Variants in RFX2 observed in about 807,000 individuals in gnomAD.
RFX2 encodes DNA-binding protein RFX2.
In RFX2, 20 loss-of-function variants were observed where a neutral mutation model predicts 87.8. The ratio of observed to expected loss-of-function variants is 0.23; its 90% CI spans 0.16 to 0.33. The LOEUF (loss-of-function observed/expected upper bound fraction) is 0.33. Ranked by LOEUF, RFX2 falls within the 10% of genes least tolerant of loss-of-function variation. RFX2 has a pLI of 1.00. For synonymous variants in RFX2, 397 were observed against 431.3 expected (o/e 0.92, Z 0.98); for missense variants, 767 against 1,012.3 (o/e 0.76, Z 3.29).
At chr19:6,103,501 T>C (rs1347469200) in intron 1 of RFX2, among the ~76,000 whole-genome samples, 1 of 152,188 alleles carries the variant, frequency 6.6e-6, no homozygotes, top group Admixed American at 6.5e-5. Context: ...AAGTGGCTCA[T>C]TTCCAGACTC....
intron 1 of RFX2, chr19:6,073,507 G>T: frequency 7.9e-6 from 6 of 758,814 alleles, no homozygotes; most frequent in Non-Finnish European, 1.0e-5. Context: ...CCAATGCCAG[G>T]CTGCGCAGTG....
Position 6,026,120 on chromosome 19 carries a change from C to T in RFX2, c.597+43G>A. On this transcript the variant is annotated intron_variant, in intron 6 of 17. Coordinates refer to ENST00000303657, the MANE Select transcript of RFX2 (RefSeq NM_000635.4). This position sits in a 1 kb window ranked among gnomAD's most constrained non-coding sequence, Gnocchi z 4.5. ...GTCTTAAAAATGTCTATGCAGGTTA[C>T]AAGCAGAGCAGGGACAGGTTGCCAG... The T allele has an allele frequency of 1.3e-6, 2 of 1,527,278 alleles. No individual in the cohort carries two copies. Among genetic ancestry groups the T allele is most frequent in the Non-Finnish European group, 1.8e-6 (2 of 1,104,930 alleles). The allele number at this position is 1,527,278 out of a possible 1,614,324, so 94.6% of individuals were successfully genotyped here.
At chr19:6,018,952 T>C (rs575617459) in intron 6 of RFX2, among the ~76,000 whole-genome samples, 1 of 152,150 alleles carries the variant, frequency 6.6e-6, no homozygotes, top group Non-Finnish European at 1.5e-5. Flanking sequence ...ATCACTCAAG[T>C]AGCCTATCAC....
intron 6 of RFX2, among the ~76,000 whole-genome samples, chr19:6,018,239 G>C (rs1430248826): frequency 1.3e-5 from 2 of 152,280 alleles, no homozygotes; most frequent in East Asian, 3.9e-4. Context: ...CAAAGTGCTG[G>C]GATTACAGGC....
chr19:6,065,965 TTTA>T (rs2087503251), intron 1 of RFX2, among the ~76,000 whole-genome samples: 1 of 150,878 alleles, frequency 6.6e-6, no homozygotes, highest in Non-Finnish European at 1.5e-5. Flanking sequence ...CAGTTCTGAA[TTTA>T]TAGCCCTGGC....
At chr19:6,003,574 C>A (rs565093306) in intron 13 of RFX2, among the ~76,000 whole-genome samples, 1 of 151,702 alleles carries the variant, frequency 6.6e-6, no homozygotes, top group Non-Finnish European at 1.5e-5. Flanking sequence ...GTCAGGAGTT[C>A]GAGACCAGCC....
In RFX2 at chr19:6,010,574, C is replaced by T. The variant is rs1051355940; in HGVS notation, c.900-323G>A. Among the ~76,000 whole-genome samples the T allele has an allele frequency of 6.6e-6, 1 of 152,112 alleles. No homozygotes were observed. Among genetic ancestry groups the T allele is most frequent in the East Asian group, 1.9e-4 (1 of 5,192 alleles). On this transcript the variant is annotated intron_variant, in intron 8 of 17. Transcript: ENST00000303657. The surrounding 1 kb of genome is among the most constrained non-coding windows in gnomAD (Gnocchi z 5.0). ...CCCTGGCACCCCTGATCTGACTTCC[C>T]GTCTCTGTGAATCTGACGACTCTAG... is the stretch of plus-strand genomic sequence containing the variant.
chr19:5,995,303 C>T (rs1239466575), intron 17 of RFX2, among the ~76,000 whole-genome samples: 2 of 152,188 alleles, frequency 1.3e-5, no homozygotes, highest in African/African-American at 2.4e-5. Flanking sequence ...CTGTCCCACT[C>T]TCCTGCTGGG....
rs73923419 is a variant in RFX2, at chr19:6,014,579, C to G, written c.780-1474G>C. On this transcript the variant is annotated intron_variant, in intron 7 of 17. Coordinates refer to ENST00000303657, the MANE Select transcript of RFX2 (RefSeq NM_000635.4). ...AAATTTCATTGCAATAGCAGACAGC[C>G]TGGGCCCTTTCTAGATGAGGTACAT... Among the ~76,000 whole-genome samples the G allele has an allele frequency of 6.8e-3, 1,042 of 152,270 alleles. 19 individuals carry two copies. The highest frequency in any genetic ancestry group is 0.024 in the African/African-American group (984 of 41,548).
At chr19:6,090,802 C>T (rs1439736816) in intron 1 of RFX2, among the ~76,000 whole-genome samples, 1 of 152,166 alleles carries the variant, frequency 6.6e-6, no homozygotes, top group African/African-American at 2.4e-5. Flanking sequence ...AGATGTGGTC[C>T]ACCCATGGAG....
rs58834364 is a variant in RFX2, at chr19:6,031,423, C to CTTTTTTT, written c.523-5193_523-5187dup. Among the ~76,000 whole-genome samples the CTTTTTTT allele has an allele frequency of 3.6e-3, 328 of 90,168 alleles. 5 individuals carry two copies. Among genetic ancestry groups the CTTTTTTT allele is most frequent in the Non-Finnish European group, 4.4e-3 (225 of 50,686 alleles). The allele number at this position is 90,168 out of a possible 152,430, so 59.2% of individuals were successfully genotyped here. ...TATTTCCTTTCTTTCTTCTCCTTCC[C>CTTTTTTT]TTTTTTTTTTTTTTTTTTTTTTTTG... On this transcript the variant is annotated intron_variant, in intron 5 of 17. Coordinates refer to ENST00000303657, the MANE Select transcript of RFX2 (RefSeq NM_000635.4).
chr19:6,031,795 CT>C (rs2086956967), intron 5 of RFX2, among the ~76,000 whole-genome samples: 1 of 151,792 alleles, frequency 6.6e-6, no homozygotes, highest in Non-Finnish European at 1.5e-5. Flanking sequence ...AATACAGTGA[CT>C]TCTAGGACAG....
chr19:6,102,291 T>G (rs576674749), intron 1 of RFX2, among the ~76,000 whole-genome samples: 7 of 152,374 alleles, frequency 4.6e-5, no homozygotes, highest in African/African-American at 1.4e-4. Flanking sequence ...GCAAAGCCTA[T>G]TTGATACTGA....
In RFX2 at chr19:5,994,883, CA is replaced by C; in HGVS notation, c.2123del (p.Leu708ArgfsTer2). 1 of 1,610,714 alleles carries C rather than the reference CA, an allele frequency of 6.2e-7. No homozygotes were observed. Among genetic ancestry groups the C allele is most frequent in the Admixed American group, 1.7e-5 (1 of 60,014 alleles). ...TGGGGTCACTGCGCTCCCGCTTTACCAGGGGCTCACCCAGGCTGCGGGCGTC... is the reference window on the plus strand; with the variant it reads ...TGGGGTCACTGCGCTCCCGCTTTACCGGGGCTCACCCAGGCTGCGGGCGTC... The part of the protein sequence containing the change: ...GPDARSLGEP[L>X]VKRERSDPNH... On this transcript the variant is annotated frameshift_variant, in exon 18 of 18. Transcript: ENST00000303657. LOFTEE classifies it high-confidence loss of function.
intron 1 of RFX2, among the ~76,000 whole-genome samples, chr19:6,108,706 G>T (rs757353429): frequency 1.3e-5 from 2 of 152,132 alleles, no homozygotes; most frequent in African/African-American, 2.4e-5. Context: ...ATGAAGCCTG[G>T]GGGGGCGGGG....
intron 1 of RFX2, among the ~76,000 whole-genome samples, chr19:6,104,685 G>A (rs1194530135): frequency 6.6e-6 from 1 of 152,126 alleles, no homozygotes. Flanking sequence ...GAGATTGCAG[G>A]TGTGAGCCAC....
chr19:6,034,765 G>A (rs544013698), intron 5 of RFX2, among the ~76,000 whole-genome samples: 1 of 152,310 alleles, frequency 6.6e-6, no homozygotes, highest in Admixed American at 6.5e-5. Context: ...GAGGTGCCAT[G>A]GGCCTCTGCG....
In RFX2 at chr19:5,997,462, G is replaced by A. The variant is rs1210577350; in HGVS notation, c.1860-249C>T. 2.2e-6 allele frequency: 1 copy of A among 445,632 alleles called. No individual in the cohort carries two copies. The highest frequency in any genetic ancestry group is 4.0e-6 in the Non-Finnish European group (1 of 251,720). The allele number at this position is 445,632 out of a possible 1,614,324, so 27.6% of individuals were successfully genotyped here. On this transcript the variant is annotated intron_variant, in intron 15 of 17. Coordinates refer to ENST00000303657, the MANE Select transcript of RFX2 (RefSeq NM_000635.4). This position sits in a 1 kb window ranked among gnomAD's most constrained non-coding sequence, Gnocchi z 4.2. ...GACCACCTGGGGAACAGGAGAGGGA[G>A]ATGGGCAGTCAGCCCCAAAGCGACA... is the stretch of plus-strand genomic sequence containing the variant.
chr19:6,055,474 A>T (rs1219235369), intron 1 of RFX2, among the ~76,000 whole-genome samples: 2 of 152,234 alleles, frequency 1.3e-5, no homozygotes, highest in Non-Finnish European at 2.9e-5. Flanking sequence ...CTCAGGATAA[A>T]GTACAGTGGC....
Sources: gnomAD v4.1 joint callset for allele counts (sites outside exome capture counted in the v4.1 genomes callset) on GRCh38, gnomAD v4.1.1 for gene constraint, Gnocchi (gnomAD v3.1) non-coding constraint, MANE v1.5 for transcripts, NCBI Gene and HGNC (gene_info 2026-07-23, HGNC 2026-07-21) for gene names.